Variants in UBAP2 observed in about 807,000 individuals in gnomAD.
UBAP2 encodes ubiquitin-associated protein 2.
Under a neutral mutation model 139.6 loss-of-function variants are expected in UBAP2, and 75 were observed. The ratio of observed to expected loss-of-function variants is 0.54; its 90% CI spans 0.45 to 0.65. The LOEUF (loss-of-function observed/expected upper bound fraction) is 0.65. Among genes scored for constraint, UBAP2 ranks in the 30% least tolerant of loss-of-function variants. The pLI is 0.00. For synonymous variants in UBAP2, 526 were observed against 526.2 expected, an observed-to-expected ratio of 1.00 and a Z score of 0.01; for missense variants, 1,368 against 1,369.6, an observed-to-expected ratio of 1.00 and a Z score of 0.02.
At chr9:33,948,313 C>T (rs1825812560) in intron 13 of UBAP2, 61 bp downstream of exon 13, 1 of 1,435,342 alleles carries the variant, frequency 7.0e-7, no homozygotes, top group Non-Finnish European at 9.4e-7. Context: ...CAAGTCAACA[C>T]ACTCTGCCAA....
In UBAP2 at chr9:34,035,514, A is replaced by AAAAAATATATATATAT; in HGVS notation, c.-42+13310_-42+13311insATATATATATATTTTT. ...GAGACTCCATCTAAAAAAAAAAAAA[A>AAAAAATATATATATAT]ATATATATATATAAAGATTAGCCAG... On this transcript the variant is annotated intron_variant, in intron 1 of 28. Transcript: ENST00000379238. Among the ~76,000 whole-genome samples, 46 of 22,488 alleles carry AAAAAATATATATATAT rather than the reference A, an allele frequency of 2.0e-3. 2 individuals are homozygous for AAAAAATATATATATAT. Among genetic ancestry groups the AAAAAATATATATATAT allele is most frequent in the African/African-American group, 3.4e-3 (27 of 7,848 alleles). The allele number at this position is 22,488 out of a possible 152,430, so 14.8% of individuals were successfully genotyped here. A position where few individuals can be genotyped will look rare whatever the true frequency, so the allele number is the denominator to read the frequency against.
chr9:34,039,124 C>G (rs1421421569), intron 1 of UBAP2, among the ~76,000 whole-genome samples: 3 of 151,734 alleles, frequency 2.0e-5, no homozygotes, highest in African/African-American at 7.3e-5. Flanking sequence ...CTCCGCCCGG[C>G]AGCCGGCCCG....
At chr9:34,002,478 AG>A (rs1822802960) in intron 2 of UBAP2, among the ~76,000 whole-genome samples, 1 of 150,690 alleles carries the variant, frequency 6.6e-6, no homozygotes. Flanking sequence ...CCCAGGTTCA[AG>A]CGATTCTCTT....
chr9:34,039,280 G>A (rs1274654327), intron 1 of UBAP2, among the ~76,000 whole-genome samples: 1 of 149,876 alleles, frequency 6.7e-6, no homozygotes, highest in African/African-American at 2.5e-5. Context: ...GGTGGGGGGG[G>A]CGCCTCTGCC....
chr9:34,019,221 G>T (rs1324647029), intron 1 of UBAP2, among the ~76,000 whole-genome samples: 3 of 152,088 alleles, frequency 2.0e-5, no homozygotes, highest in African/African-American at 7.2e-5. Context: ...TGGCCAACAT[G>T]GTGAAACCCC....
intron 11 of UBAP2, among the ~76,000 whole-genome samples, chr9:33,954,650 T>C (rs1826400828): frequency 6.6e-6 from 1 of 152,234 alleles, no homozygotes; most frequent in Non-Finnish European, 1.5e-5. Context: ...GTTCCTAGCC[T>C]GAGTTCCTCT....
At chr9:34,020,232 C>T (rs1198244925) in intron 1 of UBAP2, among the ~76,000 whole-genome samples, 1 of 151,756 alleles carries the variant, frequency 6.6e-6, no homozygotes, top group Admixed American at 6.6e-5. Flanking sequence ...TCAATACTAC[C>T]GTCTTCCATC....
intron 2 of UBAP2, among the ~76,000 whole-genome samples, chr9:34,008,121 G>A (rs1587651204): frequency 6.6e-6 from 1 of 151,944 alleles, no homozygotes; most frequent in Admixed American, 6.6e-5. Context: ...GCGACAGAGT[G>A]AGACTCGTCT....
intron 19 of UBAP2, among the ~76,000 whole-genome samples, chr9:33,929,455 C>T (rs1284626498): frequency 6.6e-6 from 1 of 152,082 alleles, no homozygotes; most frequent in East Asian, 1.9e-4. Context: ...TCCAATGGGC[C>T]CTATGCAGTC....
intron 9 of UBAP2, 116 bp from the exon 10 acceptor site, chr9:33,960,994 A>G: frequency 2.2e-6 from 2 of 909,970 alleles, no homozygotes; most frequent in Non-Finnish European, 1.8e-6. Context: ...CCTCACTAGC[A>G]ATTTAGTTTA....
intron 7 of UBAP2, among the ~76,000 whole-genome samples, chr9:33,972,590 T>C (rs755421894): frequency 1.1e-4 from 17 of 152,336 alleles, no homozygotes; most frequent in Admixed American, 2.0e-4. Flanking sequence ...TTCCACAGGA[T>C]GTTTTAAAAC....
chr9:33,927,680 C>T (rs537137970), intron 20 of UBAP2, 117 bp downstream of exon 20: 83 of 1,069,976 alleles, frequency 7.8e-5, no homozygotes, highest in Non-Finnish European at 9.9e-5. Flanking sequence ...CAGTGGAACA[C>T]GCAGCGCACT....
chr9:34,016,250 AGG>A (rs1824268821), intron 2 of UBAP2, among the ~76,000 whole-genome samples: 2 of 20,862 alleles, frequency 9.6e-5, no homozygotes, highest in Non-Finnish European at 1.6e-4. Flanking sequence ...GAGGAAGAGG[AGG>A]AGGAGGAAGA....
intron 1 of UBAP2, among the ~76,000 whole-genome samples, chr9:34,027,739 T>TA (rs1459185958): frequency 6.6e-6 from 1 of 150,986 alleles, no homozygotes; most frequent in Non-Finnish European, 1.5e-5. Flanking sequence ...CGGGTACCTG[T>TA]AGCCCCAGCT....
intron 16 of UBAP2, among the ~76,000 whole-genome samples, chr9:33,936,678 A>T (rs771345097): frequency 3.3e-4 from 50 of 152,184 alleles, no homozygotes; most frequent in Non-Finnish European, 6.3e-4. Context: ...ATAAATAAAT[A>T]AAGGAGACAA....
intron 1 of UBAP2, among the ~76,000 whole-genome samples, chr9:34,034,886 AC>A (rs1236637112): frequency 9.8e-3 from 326 of 33,144 alleles, no homozygotes; most frequent in African/African-American, 0.03. Context: ...AAACAAACAA[AC>A]AAAAAAAAAA....
In UBAP2 at chr9:34,024,755, G is replaced by A. The variant is rs111497134; in HGVS notation, c.-41-7566C>T. On this transcript the variant is annotated intron_variant, in intron 1 of 28. Transcript: ENST00000379238. Reference sequence around the variant, plus strand: ...TCTCAGCACTTTGGGAGGCTGAGGCGGGTGGATCACTTGCGGTCAGGAGTT... The same window carrying A: ...TCTCAGCACTTTGGGAGGCTGAGGCAGGTGGATCACTTGCGGTCAGGAGTT... Among the ~76,000 whole-genome samples the A allele has an allele frequency of 3.4e-3, 519 of 152,210 alleles. 5 individuals are homozygous for A. Among genetic ancestry groups the A allele is most frequent in the African/African-American group, 0.012 (487 of 41,528 alleles).
At position 33,964,530 on chromosome 9, in the gene UBAP2, ACAGTTCTTCCAC is replaced by A. The variant is rs547253313; in HGVS notation, c.680-751_680-740del. Among the ~76,000 whole-genome samples, 57 of 152,112 alleles carry A rather than the reference ACAGTTCTTCCAC, an allele frequency of 3.7e-4. No individual in the cohort carries two copies. In the South Asian group the frequency reaches 0.012, roughly 31 times the overall value. On this transcript the variant is annotated intron_variant, in intron 8 of 28. Coordinates refer to ENST00000379238, the MANE Select transcript of UBAP2 (RefSeq NM_001370062.2). ...ATGGAAGCCAGCACAGCTTCCACACACAGTTCTTCCACACTGTGTGGAAGCTGTGCACAGTGG... is the reference window on the plus strand; with the variant it reads ...ATGGAAGCCAGCACAGCTTCCACACAACTGTGTGGAAGCTGTGCACAGTGG...
chr9:33,951,255 A>T (rs766075065), intron 12 of UBAP2, among the ~76,000 whole-genome samples: 36 of 151,306 alleles, frequency 2.4e-4, no homozygotes, highest in Non-Finnish European at 4.1e-4. Context: ...GGCATCTCAT[A>T]ATCTTCCAGC....
Sources: gnomAD v4.1 joint callset for allele counts (sites outside exome capture counted in the v4.1 genomes callset) on GRCh38, gnomAD v4.1.1 for gene constraint, MANE v1.5 for transcripts, NCBI Gene and HGNC (gene_info 2026-07-23, HGNC 2026-07-21) for gene names.